The following PRRX1 variants were observed in gnomAD, a reference collection of about 807,000 sequenced individuals.
PRRX1 encodes paired mesoderm homeobox protein 1.
In PRRX1, 8 loss-of-function variants were observed where a neutral mutation model predicts 24.0. The observed-to-expected ratio is 0.33, with a 90% confidence interval of 0.20 to 0.60. PRRX1 has a LOEUF of 0.60. Ranked by LOEUF, PRRX1 falls within the 20% of genes least tolerant of loss-of-function variation. The probability of loss-of-function intolerance (pLI) is 0.82; values close to 1 mark genes in which losing one functional copy is unlikely to be tolerated. For synonymous variants in PRRX1, 160 were observed against 131.7 expected (o/e 1.22, Z -1.47); for missense variants, 281 against 322.4 (o/e 0.87, Z 0.98).
chr1:170,712,956 T>A lies in PRRX1; in HGVS notation c.242-6770T>A, dbSNP rs150425146. On this transcript the variant is annotated intron_variant, in intron 1 of 3. Coordinates refer to ENST00000239461, the MANE Select transcript of PRRX1 (RefSeq NM_022716.4). ...AAAAAATGAGTAAACTGGTAATTCA[T>A]CCATAGAAAAATTGGAGGTAGCTTA... Among the ~76,000 whole-genome samples the A allele has an allele frequency of 4.3e-4, 66 of 152,306 alleles. 1 individual carries two copies. The East Asian group carries it at 0.012, about 28-fold the overall frequency.
chr1:170,710,814 A>G (rs1349781642), intron 1 of PRRX1, among the ~76,000 whole-genome samples: 2 of 152,220 alleles, frequency 1.3e-5, no homozygotes, highest in Non-Finnish European at 2.9e-5. Context: ...TTTGCAGGCC[A>G]GGAAGCAGGC....
chr1:170,665,892 T>C (rs1186955761), intron 1 of PRRX1, among the ~76,000 whole-genome samples: 1 of 152,224 alleles, frequency 6.6e-6, no homozygotes, highest in Non-Finnish European at 1.5e-5. Context: ...AAGTCTGGCC[T>C]GGACACCAGA....
chr1:170,685,712 G>C (rs185158188), intron 1 of PRRX1, among the ~76,000 whole-genome samples: 7 of 151,896 alleles, frequency 4.6e-5, no homozygotes, highest in Admixed American at 4.6e-4. Flanking sequence ...CAATGTGGAG[G>C]AAAAGTTATA....
At chr1:170,679,647 C>T (rs1233614854) in intron 1 of PRRX1, among the ~76,000 whole-genome samples, 1 of 152,130 alleles carries the variant, frequency 6.6e-6, no homozygotes, top group African/African-American at 2.4e-5. Flanking sequence ...GATCCGCCCA[C>T]CTCGGCCTCC....
intron 1 of PRRX1, among the ~76,000 whole-genome samples, chr1:170,709,186 T>C (rs532275297): frequency 1.2e-4 from 18 of 152,276 alleles, no homozygotes; most frequent in Non-Finnish European, 2.2e-4. Context: ...GGATGAAGAA[T>C]AGTGAGAAGA....
At chr1:170,676,033 G>C (rs1030554780) in intron 1 of PRRX1, among the ~76,000 whole-genome samples, 1 of 152,136 alleles carries the variant, frequency 6.6e-6, no homozygotes, top group Non-Finnish European at 1.5e-5. Flanking sequence ...CCTATAACCA[G>C]ATGTGCTGTT....
intron 1 of PRRX1, among the ~76,000 whole-genome samples, chr1:170,684,062 C>T (rs1312242515): frequency 2.0e-5 from 3 of 152,196 alleles, no homozygotes; most frequent in Non-Finnish European, 2.9e-5. Context: ...AATCATCCAG[C>T]TGGCGAGATG....
intron 1 of PRRX1, among the ~76,000 whole-genome samples, chr1:170,665,861 T>G (rs525489): frequency 0.63 from 96,313 of 152,116 alleles, 31,465 homozygotes; most frequent in Middle Eastern, 0.83. Flanking sequence ...ATTAGCAGAC[T>G]GCTACAGGAA....
intron 1 of PRRX1, among the ~76,000 whole-genome samples, chr1:170,688,494 G>C (rs1653820577): frequency 6.6e-6 from 1 of 151,938 alleles, no homozygotes; most frequent in East Asian, 1.9e-4. Flanking sequence ...AATTTCAGGT[G>C]AATGTTCAGG....
At chr1:170,674,846 A>G (rs9426908) in intron 1 of PRRX1, among the ~76,000 whole-genome samples, 7,474 of 152,274 alleles carry the variant, frequency 0.049, 274 homozygotes, top group Middle Eastern at 0.14. Flanking sequence ...TTGAAACGGG[A>G]CTATCAAGAC....
At chr1:170,677,073 C>A (rs1653348057) in intron 1 of PRRX1, among the ~76,000 whole-genome samples, 1 of 152,068 alleles carries the variant, frequency 6.6e-6, no homozygotes, top group African/African-American at 2.4e-5. Context: ...ATAAAAAAAA[C>A]AAGAATGCAT....
chr1:170,715,480 AT>A (rs1654879190), intron 1 of PRRX1, among the ~76,000 whole-genome samples: 1 of 152,182 alleles, frequency 6.6e-6, no homozygotes, highest in Admixed American at 6.5e-5. Flanking sequence ...ATGTATATAA[AT>A]TTAGAGCCTG....
At chr1:170,665,473 G>A (rs1652888363) in intron 1 of PRRX1, among the ~76,000 whole-genome samples, 1 of 152,208 alleles carries the variant, frequency 6.6e-6, no homozygotes, top group Admixed American at 6.5e-5. Flanking sequence ...TCTCCTCGAG[G>A]TTGCAAGAGT....
At chr1:170,668,380 T>C (rs1393711758) in intron 1 of PRRX1, 2 of 152,176 alleles carry the variant, frequency 1.3e-5, no homozygotes, top group East Asian at 3.9e-4. Context: ...AACCAGATTG[T>C]CCTAATAAGA....
chr1:170,665,819 C>G (rs1364207078), intron 1 of PRRX1, among the ~76,000 whole-genome samples: 2 of 152,186 alleles, frequency 1.3e-5, no homozygotes, highest in African/African-American at 4.8e-5. Context: ...TGTTTTTAGC[C>G]AAAAGCGGCC....
intron 3 of PRRX1, 161 bp downstream of exon 3, chr1:170,726,562 A>C: frequency 1.2e-6 from 1 of 860,728 alleles, no homozygotes; most frequent in Non-Finnish European, 1.8e-6. Context: ...AGGAGATTAT[A>C]AGCTGCCCCA....
intron 1 of PRRX1, among the ~76,000 whole-genome samples, chr1:170,664,825 C>A (rs918518545): frequency 6.6e-6 from 1 of 152,200 alleles, no homozygotes; most frequent in East Asian, 1.9e-4. Flanking sequence ...TAGCGGGGTG[C>A]AAACTCAGAG....
chr1:170,702,391 C>T (rs953893574), intron 1 of PRRX1, among the ~76,000 whole-genome samples: 1 of 152,120 alleles, frequency 6.6e-6, no homozygotes, highest in African/African-American at 2.4e-5. Context: ...CCTCCCCTCA[C>T]CCTTTCAAGC....
At chr1:170,682,970 C>G (rs755638092) in intron 1 of PRRX1, among the ~76,000 whole-genome samples, 4 of 152,096 alleles carry the variant, frequency 2.6e-5, no homozygotes, top group Non-Finnish European at 4.4e-5. Context: ...AGCCAAGGAA[C>G]AGAAAGAAGG....
Sources: allele counts gnomAD v4.1 joint callset (sites outside exome capture counted in the v4.1 genomes callset), GRCh38; gene constraint gnomAD v4.1.1; transcripts MANE v1.5; gene names NCBI Gene and HGNC (gene_info 2026-07-23, HGNC 2026-07-21).